The following FAM171A1 variants were observed in gnomAD, a reference collection of about 807,000 sequenced individuals.
FAM171A1 encodes protein FAM171A1.
A neutral mutation model predicts 74.9 loss-of-function variants in FAM171A1; 23 were observed. The ratio of observed to expected loss-of-function variants is 0.31; its 90% CI spans 0.22 to 0.44. FAM171A1 has a LOEUF of 0.44. FAM171A1 is among the 20% of genes least tolerant of loss of function. The pLI is 1.00. For missense variants in FAM171A1, 1,162 were observed against 1,159.2 expected (o/e 1.00, Z -0.03); for synonymous variants, 527 against 505.7 (o/e 1.04, Z -0.57).
At chr10:15,220,693 C>T (rs1186268362) in intron 6 of FAM171A1, among the ~76,000 whole-genome samples, 1 of 152,102 alleles carries the variant, frequency 6.6e-6, no homozygotes, top group African/African-American at 2.4e-5. Context: ...CCTATGGCAG[C>T]TGTCTGAACA....
intron 1 of FAM171A1, among the ~76,000 whole-genome samples, chr10:15,309,764 A>G (rs916845908): frequency 1.3e-5 from 2 of 152,202 alleles, no homozygotes; most frequent in African/African-American, 4.8e-5. Flanking sequence ...GGAAATCTGC[A>G]TTTTCTATGC....
intron 1 of FAM171A1, among the ~76,000 whole-genome samples, chr10:15,287,533 G>A (rs538412442): frequency 1.2e-4 from 18 of 151,880 alleles, no homozygotes; most frequent in East Asian, 5.8e-4. Context: ...GACTACAGGC[G>A]CCTGCCACCA....
intron 1 of FAM171A1, among the ~76,000 whole-genome samples, chr10:15,324,207 C>G (rs1835521607): frequency 6.6e-6 from 1 of 152,168 alleles, no homozygotes; most frequent in African/African-American, 2.4e-5. Context: ...ACCAAGACAT[C>G]TACTTGCTGC....
chr10:15,244,543 C>A (rs1023490861), intron 5 of FAM171A1, among the ~76,000 whole-genome samples: 1 of 152,156 alleles, frequency 6.6e-6, no homozygotes, highest in Non-Finnish European at 1.5e-5. Context: ...AAACAAAAAA[C>A]CCTAAAATTA....
intron 5 of FAM171A1, among the ~76,000 whole-genome samples, chr10:15,230,740 A>C (rs1270233241): frequency 6.6e-6 from 1 of 152,254 alleles, no homozygotes; most frequent in African/African-American, 2.4e-5. Context: ...ATACTGGCAG[A>C]CTTATAGAAA....
At chr10:15,286,075 G>A (rs1215577710) in intron 1 of FAM171A1, among the ~76,000 whole-genome samples, 2 of 152,158 alleles carry the variant, frequency 1.3e-5, no homozygotes, top group Non-Finnish European at 2.9e-5. Context: ...TCAACATATA[G>A]GTAGAAACAT....
At chr10:15,365,376 CTATGA>C (rs1174612140) in intron 1 of FAM171A1, among the ~76,000 whole-genome samples, 1 of 152,174 alleles carries the variant, frequency 6.6e-6, no homozygotes, top group African/African-American at 2.4e-5. Flanking sequence ...AGAGATGGAG[CTATGA>C]CATCAACTAA....
chr10:15,220,401 A>T (rs1307177611), intron 6 of FAM171A1, among the ~76,000 whole-genome samples: 2 of 151,776 alleles, frequency 1.3e-5, no homozygotes. Context: ...TTTTGGGGGT[A>T]ACATAGGTTA....
chr10:15,323,740 C>CT (rs1835516103), intron 1 of FAM171A1, among the ~76,000 whole-genome samples: 2 of 152,158 alleles, frequency 1.3e-5, no homozygotes, highest in South Asian at 4.2e-4. Context: ...ATTTTATACC[C>CT]TCTATGTTAG....
intron 1 of FAM171A1, among the ~76,000 whole-genome samples, chr10:15,342,311 T>C (rs7071835): frequency 0.45 from 68,735 of 152,070 alleles, 15,663 homozygotes; most frequent in Non-Finnish European, 0.49. Context: ...GGCTCACGCC[T>C]GTAATCCCAG....
intron 5 of FAM171A1, among the ~76,000 whole-genome samples, chr10:15,224,297 T>C (rs1179800433): frequency 1.3e-5 from 2 of 151,842 alleles, no homozygotes; most frequent in African/African-American, 2.4e-5. Flanking sequence ...AAGATGGAAG[T>C]GGGGATGGGA....
intron 5 of FAM171A1, among the ~76,000 whole-genome samples, chr10:15,229,411 A>G (rs977189611): frequency 2.0e-4 from 31 of 151,926 alleles, no homozygotes; most frequent in African/African-American, 7.0e-4. Flanking sequence ...ACTCATCATC[A>G]TCATCATCGT....
In FAM171A1 at chr10:15,283,983, C is replaced by T. The variant is rs762827738; in HGVS notation, c.220G>A (p.Ala74Thr). The change falls in exon 2 of 8, where the codon GCC becomes ACC. Residue 74 changes from alanine to threonine, a missense_variant. Transcript: ENST00000378116. ...ASGTSGTDGV[A>T]FIKFQYKLGS... ...AGCTTATACTGGAACTTGATAAAGG[C>T]GACGCCATCAGTCCCCGAGGTGCCA... The T allele has an allele frequency of 1.7e-5, 27 of 1,614,034 alleles. No individual in the cohort carries two copies. The highest frequency in any genetic ancestry group is 4.5e-5 in the East Asian group (2 of 44,888).
intron 1 of FAM171A1, among the ~76,000 whole-genome samples, chr10:15,360,995 A>C (rs1835986730): frequency 6.6e-6 from 1 of 152,146 alleles, no homozygotes. Flanking sequence ...CTGGCTACAG[A>C]GGGTTATTAT....
At chr10:15,293,918 C>G (rs554986065) in intron 1 of FAM171A1, among the ~76,000 whole-genome samples, 3 of 152,174 alleles carry the variant, frequency 2.0e-5, no homozygotes, top group Non-Finnish European at 4.4e-5. Context: ...ATTTTCCCAG[C>G]CTCCCCTGTA....
chr10:15,317,459 G>C (rs1017742504), intron 1 of FAM171A1, among the ~76,000 whole-genome samples: 1 of 152,092 alleles, frequency 6.6e-6, no homozygotes, highest in Non-Finnish European at 1.5e-5. Flanking sequence ...GTAGTGGTAC[G>C]ATCTCAGCTT....
chr10:15,373,888 G>GT (rs1360349893), upstream of FAM171A1, among the ~76,000 whole-genome samples: 1 of 152,206 alleles, frequency 6.6e-6, no homozygotes, highest in African/African-American at 2.4e-5. Context: ...AATCTTAACT[G>GT]TATCAAGCTT....
chr10:15,267,375 G>A (rs1834758725), intron 3 of FAM171A1, among the ~76,000 whole-genome samples: 1 of 151,928 alleles, frequency 6.6e-6, no homozygotes, highest in South Asian at 2.1e-4. Context: ...GAAGCTGAGG[G>A]GGGCAGATCA....
chr10:15,359,514 A>G (rs1001083683), intron 1 of FAM171A1, among the ~76,000 whole-genome samples: 6 of 152,154 alleles, frequency 3.9e-5, no homozygotes, highest in Non-Finnish European at 7.4e-5. Context: ...GCCATTGGAC[A>G]GAGGGTCATG....
Sources: gnomAD v4.1 joint callset for allele counts (sites outside exome capture counted in the v4.1 genomes callset) on GRCh38, gnomAD v4.1.1 for gene constraint, MANE v1.5 for transcripts, NCBI Gene and HGNC (gene_info 2026-07-23, HGNC 2026-07-21) for gene names.